Variants in PARP12 observed in about 807,000 individuals in gnomAD.
PARP12 encodes protein mono-ADP-ribosyltransferase PARP12.
A neutral mutation model predicts 72.4 loss-of-function variants in PARP12; 59 were observed. That is an observed-to-expected ratio of 0.81 (90% CI 0.66 to 1.01). PARP12 has a LOEUF of 1.01. Among genes scored for constraint, PARP12 ranks in the 50% least tolerant of loss-of-function variants. The pLI, the probability that PARP12 is intolerant of heterozygous loss-of-function variation, is 0.00. For synonymous variants in PARP12, 403 were observed against 371.4 expected (o/e 1.09, Z -0.98); for missense variants, 851 against 914.0 (o/e 0.93, Z 0.89).
chr7:140,041,777 GTCAT>G lies in PARP12; in HGVS notation c.1045_1048del (p.Met349LeufsTer51). 1 of 1,614,128 alleles carries G rather than the reference GTCAT, an allele frequency of 6.2e-7. No homozygotes were observed. The stretch of plus-strand genomic sequence containing the variant: ...GCGGCGAGCCTGGGTAGCACCGTAA[GTCAT>G]GGCGTTAAAGTTCAGACAATGAGAG... On this transcript the variant is annotated frameshift_variant, in exon 6 of 12. Coordinates refer to ENST00000263549, the MANE Select transcript of PARP12 (RefSeq NM_022750.4). LOFTEE classifies it high-confidence loss of function.
At chr7:140,035,914 C>CG (rs1816141877) in intron 7 of PARP12, among the ~76,000 whole-genome samples, 2 of 31,172 alleles carry the variant, frequency 6.4e-5, no homozygotes, top group African/African-American at 2.3e-4. Context: ...AGGAGGAGGA[C>CG]AAGGAGGAGG....
Position 140,058,029 on chromosome 7 carries a change from T to C in PARP12, c.332A>G (p.Asn111Ser). The change falls in exon 2 of 12, where the codon AAC becomes AGC. Residue 111 changes from asparagine (N) to serine (S), a missense_variant. By Grantham distance (46) the Asn-to-Ser change is conservative. Transcript: ENST00000263549. ...GACKFLRAGK[N>S]CRNSHSLTTE... The stretch of plus-strand genomic sequence containing the variant: ...TGTCAAGCTGTGACTATTCCTACAG[T>C]TCTTCCTGCAAAGAAGCAGAGCTGG... 1 of 1,614,226 alleles carries C rather than the reference T, an allele frequency of 6.2e-7. No individual in the cohort carries two copies. The highest frequency in any genetic ancestry group is 1.3e-5 in the African/African-American group (1 of 75,064).
rs1569527056 is a variant in PARP12 at position 140,037,698 on chromosome 7, G to A, written c.1324+17C>T. The A allele has an allele frequency of 4.3e-6, 7 of 1,612,828 alleles. No homozygotes were observed. Among genetic ancestry groups the A allele is most frequent in the Admixed American group, 3.3e-5 (2 of 59,956 alleles). On this transcript the variant is annotated intron_variant, in intron 7 of 11. Transcript: ENST00000263549. ...ACACAGGCAGGCTCTGCTGGGCGAG[G>A]GCAGGGCACAGGATACCTTTGAAAT...
chr7:140,032,135 A>G (rs528065458), intron 8 of PARP12, among the ~76,000 whole-genome samples: 1 of 152,226 alleles, frequency 6.6e-6, no homozygotes, highest in Admixed American at 6.5e-5. Flanking sequence ...TAGAAATAAT[A>G]TTCAACCTCA....
At chr7:140,039,079 G>A (rs940965316) in intron 6 of PARP12, among the ~76,000 whole-genome samples, 1 of 152,208 alleles carries the variant, frequency 6.6e-6, no homozygotes, top group Admixed American at 6.5e-5. Context: ...AGGGGCGGGT[G>A]TAAGAGGTAT....
At chr7:140,031,633 C>T (rs1156871210) in intron 8 of PARP12, among the ~76,000 whole-genome samples, 1 of 152,172 alleles carries the variant, frequency 6.6e-6, no homozygotes, top group East Asian at 1.9e-4. Context: ...CAGTGTGTGA[C>T]ACTCCGCTTA....
chr7:140,045,278 C>T (rs1411742621), intron 5 of PARP12, among the ~76,000 whole-genome samples: 1 of 152,146 alleles, frequency 6.6e-6, no homozygotes, highest in African/African-American at 2.4e-5. Flanking sequence ...AGCAATCCTC[C>T]CACTTCAGCC....
rs765987412 is a variant in PARP12 at position 140,056,919 on chromosome 7, T to C, written c.697A>G (p.Ile233Val). Residue 233 changes from isoleucine (I) to valine (V), a missense_variant, in exon 3 of 12, where the codon ATC becomes GTC. Transcript: ENST00000263549. ...CTGGGGGCAGAGCTCTTATTCTTGA[T>C]GTCATGTGCATTTCTATAAATGGTA... is the stretch of plus-strand genomic sequence containing the variant. ...LPTIYRNAHD[I>V]KNKSSAPSRV... 2 of 1,613,822 alleles carry C rather than the reference T, an allele frequency of 1.2e-6. No individual in the cohort carries two copies. The highest frequency in any genetic ancestry group is 1.1e-5 in the South Asian group (1 of 91,062).
chr7:140,057,673 G>T, intron 2 of PARP12: 1 of 569,052 alleles, frequency 1.8e-6, no homozygotes, highest in South Asian at 2.6e-5. Flanking sequence ...AGCCCTAGTC[G>T]CACAGCTATC....
At chr7:140,055,663 G>A (rs1426625989) in intron 3 of PARP12, among the ~76,000 whole-genome samples, 1 of 152,198 alleles carries the variant, frequency 6.6e-6, no homozygotes. Flanking sequence ...ACTGGCAGTG[G>A]ATCCCTCCTC....
intron 6 of PARP12, among the ~76,000 whole-genome samples, chr7:140,040,102 C>A (rs1816399212): frequency 6.6e-6 from 1 of 152,166 alleles, no homozygotes; most frequent in African/African-American, 2.4e-5. Context: ...CCGGACAGAT[C>A]CCCAAACAGA....
At chr7:140,038,172 G>A (rs191798209) in intron 6 of PARP12, 18 of 985,428 alleles carry the variant, frequency 1.8e-5, no homozygotes, top group Admixed American at 1.2e-4. Flanking sequence ...TTCAAATGCC[G>A]GCAGAACAGC....
At chr7:140,041,484 A>T in intron 6 of PARP12, 160 bp downstream of exon 6, 1 of 620,448 alleles carries the variant, frequency 1.6e-6, no homozygotes, top group Non-Finnish European at 2.7e-6. Flanking sequence ...CAACTTATCT[A>T]GTTTTGCCAT....
At chr7:140,033,927 T>A in intron 8 of PARP12, 1 of 1,027,236 alleles carries the variant, frequency 9.7e-7, no homozygotes, top group Non-Finnish European at 1.2e-6. Flanking sequence ...GACTCAATGA[T>A]TCCACAGAAA....
chr7:140,051,687 G>T (rs552989557), intron 4 of PARP12, among the ~76,000 whole-genome samples: 3 of 152,058 alleles, frequency 2.0e-5, no homozygotes, highest in Non-Finnish European at 4.4e-5. Context: ...CACCATGACC[G>T]ACCTAAAGAT....
chr7:140,030,666 C>G (rs1045644875), intron 8 of PARP12, among the ~76,000 whole-genome samples: 1 of 152,216 alleles, frequency 6.6e-6, no homozygotes, highest in African/African-American at 2.4e-5. Context: ...AAACAGTTTT[C>G]CAACAAATCT....
intron 4 of PARP12, among the ~76,000 whole-genome samples, chr7:140,054,158 T>C (rs2116648235): frequency 6.6e-6 from 1 of 152,270 alleles, no homozygotes; most frequent in Middle Eastern, 3.4e-3. Flanking sequence ...CACACCAGAA[T>C]TGCTGCTTCT....
chr7:140,056,268 CTCAT>C (rs1472997563), intron 3 of PARP12, among the ~76,000 whole-genome samples: 1 of 152,248 alleles, frequency 6.6e-6, no homozygotes, highest in African/African-American at 2.4e-5. Context: ...TCCTAGCACA[CTCAT>C]TCATTCAACA....
chr7:140,040,142 T>C (rs182611487), intron 6 of PARP12, among the ~76,000 whole-genome samples: 16 of 152,072 alleles, frequency 1.1e-4, no homozygotes, highest in South Asian at 2.1e-4. Flanking sequence ...CTGCTAAGTG[T>C]GTTGCGCCTG....
Sources: allele counts gnomAD v4.1 joint callset (sites outside exome capture counted in the v4.1 genomes callset), GRCh38; gene constraint gnomAD v4.1.1; transcripts MANE v1.5; gene names NCBI Gene and HGNC (gene_info 2026-07-23, HGNC 2026-07-21).